Variants in KIAA0232 observed in about 807,000 individuals in gnomAD.
The protein encoded by KIAA0232 is uncharacterized protein KIAA0232.
In KIAA0232, 27 loss-of-function variants were observed where a neutral mutation model predicts 122.0. The observed-to-expected ratio is 0.22, with a 90% CI of 0.16 to 0.31. The LOEUF is 0.31. Ranked by LOEUF, KIAA0232 falls within the 10% of genes least tolerant of loss-of-function variation. The pLI, the probability that KIAA0232 is intolerant of heterozygous loss-of-function variation, is 1.00. For missense variants in KIAA0232, 1,551 were observed against 1,634.2 expected, an observed-to-expected ratio of 0.95 and a Z score of 0.88; for synonymous variants, 613 against 587.6, an observed-to-expected ratio of 1.04 and a Z score of -0.63.
chr4:6,881,718 AC>A lies in KIAA0232; in HGVS notation c.*753del, dbSNP rs1388150711. 1.3e-5 allele frequency: 2 copies of A among 152,612 alleles called. No individual in the cohort carries two copies. Among genetic ancestry groups the A allele is most frequent in the Non-Finnish European group, 2.9e-5 (2 of 68,044 alleles). The allele number at this position is 152,612 out of a possible 1,614,324, so 9.5% of individuals were successfully genotyped here. Reference sequence around the variant, plus strand: ...CCTTACCTGCTCTCATACTGCAGTTACATTTACACCAAAACCCCATGCAGGG... The same window carrying A: ...CCTTACCTGCTCTCATACTGCAGTTAATTTACACCAAAACCCCATGCAGGG... On this transcript the variant is annotated 3_prime_UTR_variant, in exon 10 of 10. Transcript: ENST00000307659.
Position 6,806,655 on chromosome 4 carries a change from AC to A in KIAA0232, c.-270+2051del, listed in dbSNP as rs1306077529. 2.7e-5 allele frequency among the ~76,000 whole-genome samples: 4 copies of A among 149,472 alleles called. No individual in the cohort carries two copies. The South Asian group carries it at 8.5e-4, about 32-fold the overall frequency. On this transcript the variant is annotated intron_variant, in intron 2 of 9. Coordinates refer to ENST00000307659, the MANE Select transcript of KIAA0232 (RefSeq NM_014743.3). ...AGGCTGAGGCAGGAGAATGGCATGA[AC>A]CTGGGAGGCGGAGCTTGCAGTGAGC...
At chr4:6,789,172 C>T (rs946204954) in intron 1 of KIAA0232, among the ~76,000 whole-genome samples, 3 of 151,890 alleles carry the variant, frequency 2.0e-5, no homozygotes, top group Admixed American at 6.6e-5. Context: ...TGGGTTTCAC[C>T]GTGTTAGCCA....
In KIAA0232 at chr4:6,882,654, G is replaced by GCA. The variant is rs1491547234; in HGVS notation, c.*1688_*1689insCA. The stretch of plus-strand genomic sequence containing the variant: ...TGTGTGTGTGTGTGTGTGTGCGCGC[G>GCA]TGCGCGCGCGCATGTGTAAGGTTTT... On this transcript the variant is annotated 3_prime_UTR_variant, in exon 10 of 10. Transcript: ENST00000307659. 3 of 152,612 alleles carry GCA rather than the reference G, an allele frequency of 2.0e-5. No individual in the cohort carries two copies. The highest frequency in any genetic ancestry group is 3.9e-4 in the East Asian group (2 of 5,186). The allele number at this position is 152,612 out of a possible 1,614,324, so 9.5% of individuals were successfully genotyped here.
chr4:6,821,684 ATATG>A (rs1313779382), intron 2 of KIAA0232, among the ~76,000 whole-genome samples: 6 of 57,476 alleles, frequency 1.0e-4, no homozygotes, highest in African/African-American at 2.1e-4. Context: ...ATACATGTAT[ATATG>A]TGTGTGTGTG....
chr4:6,819,755 T>C (rs1718329842), intron 2 of KIAA0232, among the ~76,000 whole-genome samples: 1 of 152,126 alleles, frequency 6.6e-6, no homozygotes, highest in Admixed American at 6.5e-5. Context: ...ACTAGCTACA[T>C]CTCAGAAAAG....
At chr4:6,827,308 C>G (rs1718743599) in intron 3 of KIAA0232, among the ~76,000 whole-genome samples, 2 of 152,150 alleles carry the variant, frequency 1.3e-5, no homozygotes, top group Admixed American at 1.3e-4. Context: ...CTTACGGTTT[C>G]CCCAGGCAGA....
At chr4:6,838,947 G>T (rs1490769846) in intron 3 of KIAA0232, among the ~76,000 whole-genome samples, 2 of 152,112 alleles carry the variant, frequency 1.3e-5, no homozygotes, top group Non-Finnish European at 2.9e-5. Context: ...CAGCCAACAT[G>T]GCAAAACCCC....
Position 6,883,028 on chromosome 4 carries a change from G to T in KIAA0232, c.*2062G>T, listed in dbSNP as rs945017540. 15 of 152,382 alleles carry T rather than the reference G, an allele frequency of 9.8e-5. No homozygotes were observed. Among genetic ancestry groups the T allele is most frequent in the African/African-American group, 3.6e-4 (15 of 41,448 alleles). The allele number at this position is 152,382 out of a possible 1,614,324, so 9.4% of individuals were successfully genotyped here. A position where few individuals can be genotyped will look rare whatever the true frequency, so the allele number is the denominator to read the frequency against. On this transcript the variant is annotated 3_prime_UTR_variant, in exon 10 of 10. Transcript: ENST00000307659. ...TTCCACAGGTGAATGGGACGGATTC[G>T]AAGTGAGCAAAGGGATTCACAAATT...
intron 2 of KIAA0232, among the ~76,000 whole-genome samples, chr4:6,822,633 T>C (rs1380532013): frequency 1.3e-5 from 2 of 152,164 alleles, no homozygotes; most frequent in African/African-American, 4.8e-5. Context: ...ATATTATGAT[T>C]TAATAAAGCC....
chr4:6,879,215 C>T (rs768057295), intron 9 of KIAA0232, among the ~76,000 whole-genome samples: 1 of 152,154 alleles, frequency 6.6e-6, no homozygotes, highest in Non-Finnish European at 1.5e-5. Context: ...AATGACCTCA[C>T]GAGCAGTATC....
At chr4:6,873,298 C>T (rs1721590780) in intron 8 of KIAA0232, among the ~76,000 whole-genome samples, 1 of 152,222 alleles carries the variant, frequency 6.6e-6, no homozygotes, top group Non-Finnish European at 1.5e-5. Flanking sequence ...AAGTTTTGCC[C>T]TCTACAGCAG....
chr4:6,846,101 A>T (rs530079981), intron 4 of KIAA0232, among the ~76,000 whole-genome samples: 324 of 3,874 alleles, frequency 0.084, 2 homozygotes, highest in African/African-American at 0.23. Flanking sequence ...CATTTTATTT[A>T]AAAAAAAAAA....
chr4:6,842,300 A>T (rs1719705886), intron 4 of KIAA0232, 96 bp downstream of exon 4: 1 of 1,196,130 alleles, frequency 8.4e-7, no homozygotes, highest in Non-Finnish European at 1.2e-6. Flanking sequence ...AACTGGGAAA[A>T]CAAAGTACTT....
intron 8 of KIAA0232, among the ~76,000 whole-genome samples, chr4:6,874,067 G>A (rs544617080): frequency 3.3e-5 from 5 of 152,326 alleles, no homozygotes; most frequent in African/African-American, 9.6e-5. Context: ...ACAGTAAGGC[G>A]AGGAAACAGG....
Position 6,861,906 on chromosome 4 carries a change from C to G in KIAA0232, c.1524C>G (p.His508Gln). The change falls in exon 7 of 10, where the codon CAC becomes CAG. Residue 508 changes from histidine to glutamine, a missense_variant. Around this residue, in one of 5 missense-constraint regions of KIAA0232, gnomAD observed 1,108 missense variants for 1,154.8 expected, o/e 0.96. Coordinates refer to ENST00000307659, the MANE Select transcript of KIAA0232 (RefSeq NM_014743.3). ...ATATTCATCTATCAGAATTAACGCA[C>G]TTCTATGAAGTGGATATTGATCAAT... Reference protein sequence around the residue: ...LDDIHLSELTHFYEVDIDQSM... With the variant: ...LDDIHLSELTQFYEVDIDQSM... The G allele has an allele frequency of 6.2e-7, 1 of 1,614,074 alleles. No homozygotes were observed. Among genetic ancestry groups the G allele is most frequent in the Non-Finnish European group, 8.5e-7 (1 of 1,179,970 alleles).
intron 8 of KIAA0232, among the ~76,000 whole-genome samples, chr4:6,873,629 A>T (rs1721610186): frequency 6.8e-6 from 1 of 148,022 alleles, no homozygotes; most frequent in Non-Finnish European, 1.5e-5. Flanking sequence ...TAGTTAGTAA[A>T]GAATCCAGTT....
intron 4 of KIAA0232, among the ~76,000 whole-genome samples, chr4:6,852,565 T>C (rs1220408977): frequency 2.0e-5 from 3 of 152,206 alleles, no homozygotes; most frequent in African/African-American, 7.2e-5. Flanking sequence ...TCTGAAAAAC[T>C]GTAAAAGAGC....
chr4:6,801,165 C>CT lies in KIAA0232; in HGVS notation c.-353-3354dup, dbSNP rs534792930. ...GTTTGATAATGGAAATGTTCACTGTCTTTTCTATTCAGTATCCACTGGCTA... is the reference window on the plus strand; with the variant it reads ...GTTTGATAATGGAAATGTTCACTGTCTTTTTCTATTCAGTATCCACTGGCTA... On this transcript the variant is annotated intron_variant, in intron 1 of 9. Transcript: ENST00000307659. 3.1e-3 allele frequency among the ~76,000 whole-genome samples: 467 copies of CT among 152,298 alleles called. 3 individuals are homozygous for CT. Among genetic ancestry groups the CT allele is most frequent in the African/African-American group, 0.011 (446 of 41,562 alleles).
intron 3 of KIAA0232, among the ~76,000 whole-genome samples, chr4:6,835,508 T>C (rs1035760984): frequency 1.3e-5 from 2 of 152,382 alleles, no homozygotes; most frequent in African/African-American, 2.4e-5. Context: ...AGAGTACATA[T>C]GCACAATGTG....
Sources: gnomAD v4.1 joint callset for allele counts (sites outside exome capture counted in the v4.1 genomes callset) on GRCh38, gnomAD v4.1.1 for gene constraint, gnomAD v4.1.1 regional missense constraint, MANE v1.5 for transcripts, NCBI Gene and HGNC (gene_info 2026-07-23, HGNC 2026-07-21) for gene names.